The following MTCL1 variants were observed in gnomAD, a reference collection of about 807,000 sequenced individuals.
The protein encoded by MTCL1 is microtubule cross-linking factor 1.
In MTCL1, 79 loss-of-function variants were observed where a neutral mutation model predicts 141.4. That is an observed-to-expected ratio of 0.56 (90% CI 0.47 to 0.67). The LOEUF is 0.67. Among genes scored for constraint, MTCL1 ranks in the 30% least tolerant of loss-of-function variants. The pLI, the probability that MTCL1 is intolerant of heterozygous loss-of-function variation, is 0.00. For missense variants in MTCL1, 2,177 were observed against 2,113.9 expected, an observed-to-expected ratio of 1.03 and a Z score of -0.59; for synonymous variants, 914 against 875.8, an observed-to-expected ratio of 1.04 and a Z score of -0.77.
intron 4 of MTCL1, among the ~76,000 whole-genome samples, chr18:8,768,338 G>T (rs1040674931): frequency 5.3e-5 from 8 of 152,082 alleles, no homozygotes; most frequent in African/African-American, 1.9e-4. Flanking sequence ...TATCTTTTTT[G>T]AGTAAACTCG....
At chr18:8,720,132 C>G in intron 3 of MTCL1, 1 of 537,844 alleles carries the variant, frequency 1.9e-6, no homozygotes, top group Non-Finnish European at 3.2e-6. Flanking sequence ...TCAGACCAGC[C>G]AGAGTGGCCT....
intron 4 of MTCL1, among the ~76,000 whole-genome samples, chr18:8,777,027 G>C (rs1418961119): frequency 1.3e-5 from 2 of 152,166 alleles, no homozygotes; most frequent in African/African-American, 4.8e-5. Context: ...GACGTCAGGA[G>C]ATTGAGACCA....
chr18:8,784,052 C>G (rs1264221075), exon 6 of MTCL1: 19 of 1,613,456 alleles, frequency 1.2e-5, no homozygotes, highest in Non-Finnish European at 1.6e-5. Flanking sequence ...GTTTGAGCCT[C>G]CCCGGGAGCC....
chr18:8,796,094 C>T, intron 8 of MTCL1, 138 bp from the exon 8 acceptor site: 1 of 774,092 alleles, frequency 1.3e-6, no homozygotes, highest in Non-Finnish European at 2.1e-6. Context: ...TCAAACTGAA[C>T]TTCTGGGGAC....
chr18:8,814,260 C>T (rs370727074), intron 12 of MTCL1, among the ~76,000 whole-genome samples: 20 of 152,186 alleles, frequency 1.3e-4, no homozygotes, highest in African/African-American at 4.6e-4. Context: ...GCTTGGAAAC[C>T]ACTAAGAAGA....
At chr18:8,792,033 G>GT (rs1330030185) in intron 7 of MTCL1, among the ~76,000 whole-genome samples, 3 of 152,096 alleles carry the variant, frequency 2.0e-5, no homozygotes, top group Non-Finnish European at 4.4e-5. Context: ...GACTACCCAG[G>GT]TACCGATTAG....
chr18:8,784,579 C>G, exon 6 of MTCL1: 1 of 1,610,652 alleles, frequency 6.2e-7, no homozygotes, highest in Non-Finnish European at 8.5e-7. Flanking sequence ...GTGGTGCGCC[C>G]TTACCGGGGC....
chr18:8,753,661 A>G (rs1363055026), intron 4 of MTCL1, among the ~76,000 whole-genome samples: 1 of 152,186 alleles, frequency 6.6e-6, no homozygotes, highest in Non-Finnish European at 1.5e-5. Flanking sequence ...AGAACCCACC[A>G]TGTTATAGCC....
chr18:8,814,761 C>G (rs543517890), intron 12 of MTCL1, among the ~76,000 whole-genome samples: 3 of 152,308 alleles, frequency 2.0e-5, no homozygotes, highest in Admixed American at 6.5e-5. Context: ...TGCCATGCCC[C>G]CTTTAGGGTG....
At chr18:8,799,130 C>T (rs1035458813) in intron 10 of MTCL1, among the ~76,000 whole-genome samples, 2 of 152,210 alleles carry the variant, frequency 1.3e-5, no homozygotes, top group Non-Finnish European at 1.5e-5. Flanking sequence ...CATATGGGCG[C>T]GGCTCTAGCC....
chr18:8,733,658 G>A (rs2096262463), intron 4 of MTCL1, among the ~76,000 whole-genome samples: 2 of 152,040 alleles, frequency 1.3e-5, no homozygotes, highest in Admixed American at 6.5e-5. Context: ...CACCCACCTC[G>A]GCCTCTCAAA....
At chr18:8,795,610 C>T (rs554934353) in intron 8 of MTCL1, among the ~76,000 whole-genome samples, 1 of 152,270 alleles carries the variant, frequency 6.6e-6, no homozygotes, top group South Asian at 2.1e-4. Flanking sequence ...AAGAGATATG[C>T]ACATCTAATA....
intron 1 of MTCL1, among the ~76,000 whole-genome samples, chr18:8,708,437 C>CA (rs71356252): frequency 0.28 from 42,823 of 152,004 alleles, 7,266 homozygotes; most frequent in Non-Finnish European, 0.38. Flanking sequence ...ATCTTCCCAA[C>CA]AACATAGGGT....
chr18:8,713,007 G>A (rs1053128174), upstream of MTCL1, among the ~76,000 whole-genome samples: 5 of 152,130 alleles, frequency 3.3e-5, no homozygotes, highest in Non-Finnish European at 7.4e-5. Flanking sequence ...ATACTAAGAA[G>A]CCATGGATTT....
rs775550251 is a variant in MTCL1 at position 8,824,733 on chromosome 18, C to T, written c.3223C>T (p.Arg1075Cys). ...CGTGTCCTCCATGTCTGAGTTCCAG[C>T]GTCTAATGGACATCTCCCCCTTCCT... Residue 1075 changes from arginine to cysteine, a missense_variant, in exon 15 of 17, where the codon CGT becomes TGT. By Grantham distance (180) the Arg-to-Cys change is radical. Coordinates refer to ENST00000359865, the Ensembl canonical transcript of MTCL1. The T allele has an allele frequency of 5.0e-6, 8 of 1,613,528 alleles. No individual in the cohort carries two copies. Among genetic ancestry groups the T allele is most frequent in the Admixed American group, 1.7e-5 (1 of 59,968 alleles).
intron 16 of MTCL1, chr18:8,829,189 G>A: frequency 3.0e-6 from 3 of 985,448 alleles, no homozygotes; most frequent in Non-Finnish European, 2.4e-6. Flanking sequence ...AGGGTTTTTA[G>A]GTTATAGAGA....
chr18:8,760,363 A>G (rs2096425325), intron 4 of MTCL1, among the ~76,000 whole-genome samples: 1 of 152,210 alleles, frequency 6.6e-6, no homozygotes, highest in South Asian at 2.1e-4. Flanking sequence ...TGGTATTAGG[A>G]TTCGGGATCT....
intron 11 of MTCL1, among the ~76,000 whole-genome samples, chr18:8,812,038 A>G (rs1216445960): frequency 6.6e-6 from 1 of 152,156 alleles, no homozygotes; most frequent in Non-Finnish European, 1.5e-5. Flanking sequence ...GTTCCTTCCC[A>G]TCCTCTGTGC....
intron 10 of MTCL1, among the ~76,000 whole-genome samples, chr18:8,804,849 G>T (rs1330215468): frequency 6.6e-6 from 1 of 151,990 alleles, no homozygotes; most frequent in Non-Finnish European, 1.5e-5. Context: ...AAATTAGCTG[G>T]GCATGGCGGC....
Sources: allele counts gnomAD v4.1 joint callset (sites outside exome capture counted in the v4.1 genomes callset), GRCh38; gene constraint gnomAD v4.1.1; transcripts MANE v1.5; gene names NCBI Gene and HGNC (gene_info 2026-07-23, HGNC 2026-07-21).